CYTH3: variants seen among roughly 807,000 people sequenced by gnomAD.
CYTH3 encodes cytohesin-3.
CYTH3 carries 23 observed loss-of-function variants against 55.1 expected under a neutral mutation model. The observed-to-expected ratio is 0.42, with a 90% CI of 0.30 to 0.59. CYTH3 has a LOEUF of 0.59. CYTH3 is among the 20% of genes least tolerant of loss of function. CYTH3 has a pLI of 0.20. For synonymous variants in CYTH3, 249 were observed against 194.9 expected, an observed-to-expected ratio of 1.28 and a Z score of -2.31; for missense variants, 413 against 524.8, an observed-to-expected ratio of 0.79 and a Z score of 2.08.
intron 6 of CYTH3, chr7:6,172,240 C>G (rs1257953394): frequency 6.5e-6 from 1 of 152,922 alleles, no homozygotes; most frequent in East Asian, 1.9e-4. Flanking sequence ...TCTGCACGTC[C>G]CTCACACAGG....
At chr7:6,254,139 G>C (rs1007171060) in intron 1 of CYTH3, among the ~76,000 whole-genome samples, 3 of 151,712 alleles carry the variant, frequency 2.0e-5, no homozygotes, top group South Asian at 2.1e-4. Context: ...CTGAGAGATC[G>C]CACCACTGCA....
At chr7:6,206,940 A>G in intron 1 of CYTH3, among the ~76,000 whole-genome samples, 1 of 152,170 alleles carries the variant, frequency 6.6e-6, no homozygotes, top group East Asian at 1.9e-4. Context: ...ACTACAGAAT[A>G]AATGCTTCAT....
intron 1 of CYTH3, among the ~76,000 whole-genome samples, chr7:6,210,674 T>C (rs1304285416): frequency 1.3e-5 from 2 of 152,216 alleles, no homozygotes; most frequent in Admixed American, 6.5e-5. Context: ...CCCCCAGTGC[T>C]TGTCAGTCAT....
At chr7:6,204,597 T>C (rs1339113929) in intron 1 of CYTH3, among the ~76,000 whole-genome samples, 1 of 152,180 alleles carries the variant, frequency 6.6e-6, no homozygotes, top group Non-Finnish European at 1.5e-5. Context: ...TGATTCAGGT[T>C]CTGTGGACCC....
At chr7:6,231,191 C>G (rs569651892) in intron 1 of CYTH3, among the ~76,000 whole-genome samples, 26 of 152,334 alleles carry the variant, frequency 1.7e-4, no homozygotes, top group African/African-American at 6.0e-4. Flanking sequence ...GCCCTCCTCA[C>G]GCTTTCTGTT....
At chr7:6,190,600 G>C (rs2128544144) in intron 1 of CYTH3, 69 bp from the exon 2 acceptor site, 8 of 1,228,996 alleles carry the variant, frequency 6.5e-6, no homozygotes, top group South Asian at 3.0e-5. Flanking sequence ...GGTTGAGGTG[G>C]GTACATGCTG....
At chr7:6,240,433 G>A (rs1240383662) in intron 1 of CYTH3, among the ~76,000 whole-genome samples, 2 of 152,058 alleles carry the variant, frequency 1.3e-5, no homozygotes, top group Admixed American at 6.6e-5. Context: ...GAGGTGGGGA[G>A]GGGAGGAGAT....
intron 1 of CYTH3, among the ~76,000 whole-genome samples, chr7:6,214,629 C>T (rs1358008515): frequency 6.6e-6 from 1 of 152,090 alleles, no homozygotes; most frequent in African/African-American, 2.4e-5. Flanking sequence ...GACCTCAGAA[C>T]AAAACAAACT....
chr7:6,167,430 A>C lies in CYTH3; in HGVS notation c.824-1620T>G, dbSNP rs1341279174. On this transcript the variant is annotated intron_variant, in intron 9 of 12. Coordinates refer to ENST00000350796, the MANE Select transcript of CYTH3 (RefSeq NM_004227.4). This position sits in a 1 kb window ranked among gnomAD's most constrained non-coding sequence, Gnocchi z 5.5. ...GCTGTGGCAGAATCAGCTGACAGCAACTCCACTACCCTGACATCCGTCACT... is the reference window on the plus strand; with the variant it reads ...GCTGTGGCAGAATCAGCTGACAGCACCTCCACTACCCTGACATCCGTCACT... Among the ~76,000 whole-genome samples, 2 of 150,146 alleles carry C rather than the reference A, an allele frequency of 1.3e-5. No individual in the cohort carries two copies. The highest frequency in any genetic ancestry group is 3.0e-5 in the Non-Finnish European group (2 of 67,392).
chr7:6,168,219 A>AT (rs750700961), intron 9 of CYTH3, among the ~76,000 whole-genome samples: 19,370 of 121,578 alleles, frequency 0.16, 2,272 homozygotes, highest in East Asian at 0.67. Flanking sequence ...ACCTCCTAGG[A>AT]TTTTTTTTTT....
At chr7:6,243,918 G>A (rs759380715) in intron 1 of CYTH3, among the ~76,000 whole-genome samples, 24 of 152,150 alleles carry the variant, frequency 1.6e-4, no homozygotes, top group Non-Finnish European at 2.6e-4. Context: ...TGTCATTGTT[G>A]TCTCATCAAA....
intron 1 of CYTH3, among the ~76,000 whole-genome samples, chr7:6,197,217 C>T (rs1362021619): frequency 6.6e-6 from 1 of 152,078 alleles, no homozygotes; most frequent in Non-Finnish European, 1.5e-5. Flanking sequence ...AAGCACTAGC[C>T]GTTTACTTTA....
chr7:6,270,530 T>G (rs1408369450), intron 1 of CYTH3, among the ~76,000 whole-genome samples: 1 of 152,112 alleles, frequency 6.6e-6, no homozygotes, highest in Non-Finnish European at 1.5e-5. Flanking sequence ...AAAAAGAAAA[T>G]AAAATAATCC....
chr7:6,251,964 T>C (rs1396759945), intron 1 of CYTH3, among the ~76,000 whole-genome samples: 1 of 152,238 alleles, frequency 6.6e-6, no homozygotes, highest in Non-Finnish European at 1.5e-5. Context: ...TGAAAATCAC[T>C]AGTCTTATGA....
At chr7:6,269,975 C>T (rs1210028170) in intron 1 of CYTH3, among the ~76,000 whole-genome samples, 1 of 152,194 alleles carries the variant, frequency 6.6e-6, no homozygotes, top group Admixed American at 6.5e-5. Context: ...CCCCCAGATA[C>T]AGTTCAACAT....
At chr7:6,259,802 T>TA (rs1321500180) in intron 1 of CYTH3, among the ~76,000 whole-genome samples, 3,668 of 27,214 alleles carry the variant, frequency 0.13, 259 homozygotes, top group South Asian at 0.22. Flanking sequence ...TATATATATA[T>TA]ATATATATAT....
chr7:6,266,621 C>T (rs751882957), intron 1 of CYTH3, among the ~76,000 whole-genome samples: 77 of 152,144 alleles, frequency 5.1e-4, no homozygotes, highest in Non-Finnish European at 9.9e-4. Context: ...TCAGCTCTTG[C>T]CAGCTCCATG....
intron 1 of CYTH3, among the ~76,000 whole-genome samples, chr7:6,245,428 G>A (rs1327366877): frequency 6.6e-6 from 1 of 152,118 alleles, no homozygotes; most frequent in East Asian, 1.9e-4. Flanking sequence ...CTCTGATGGG[G>A]AAGCTCACAC....
intron 2 of CYTH3, among the ~76,000 whole-genome samples, chr7:6,190,216 C>G (rs1783765220): frequency 6.6e-6 from 1 of 152,102 alleles, no homozygotes; most frequent in South Asian, 2.1e-4. Flanking sequence ...GTCTTGATTT[C>G]TACCCGGGGT....
Sources: gnomAD v4.1 joint callset for allele counts (sites outside exome capture counted in the v4.1 genomes callset) on GRCh38, gnomAD v4.1.1 for gene constraint, Gnocchi (gnomAD v3.1) non-coding constraint, MANE v1.5 for transcripts, NCBI Gene and HGNC (gene_info 2026-07-23, HGNC 2026-07-21) for gene names.